The following GYPE variants were observed in gnomAD, a reference collection of about 807,000 sequenced individuals.
GYPE encodes glycophorin E (MNS blood group).
Under a neutral mutation model 11.6 loss-of-function variants are expected in GYPE, and 8 were observed. The ratio of observed to expected loss-of-function variants is 0.69; its 90% CI spans 0.41 to 1.25. GYPE has a LOEUF of 1.25. Among genes scored for constraint, GYPE ranks in the 50% most tolerant of loss-of-function variants. The pLI is 0.01. For synonymous variants in GYPE, 28 were observed against 29.6 expected (o/e 0.94, Z 0.18); for missense variants, 90 against 92.8 (o/e 0.97, Z 0.12).
At chr4:143,887,733 A>C (rs950401150) in intron 1 of GYPE, among the ~76,000 whole-genome samples, 1 of 149,442 alleles carries the variant, frequency 6.7e-6, no homozygotes, top group Non-Finnish European at 1.5e-5. Context: ...TTAATGATTA[A>C]GTGGCAAATT....
At chr4:143,902,359 G>C (rs928705308) in intron 1 of GYPE, among the ~76,000 whole-genome samples, 15 of 141,910 alleles carry the variant, frequency 1.1e-4, no homozygotes, top group Non-Finnish European at 1.7e-4. Context: ...AAAAAAAAAA[G>C]AGATGCCTTG....
chr4:143,885,319 T>C (rs1744189837), intron 1 of GYPE, among the ~76,000 whole-genome samples: 1 of 152,190 alleles, frequency 6.6e-6, no homozygotes, highest in Non-Finnish European at 1.5e-5. Flanking sequence ...GTAACTGTTT[T>C]ATAAAAATGA....
At chr4:143,893,765 T>C (rs1023478076) in intron 1 of GYPE, among the ~76,000 whole-genome samples, 1 of 152,134 alleles carries the variant, frequency 6.6e-6, no homozygotes, top group Non-Finnish European at 1.5e-5. Context: ...ATTTCAACTT[T>C]GGTGAATCTG....
chr4:143,892,696 CT>C (rs1165872446), intron 1 of GYPE, among the ~76,000 whole-genome samples: 13 of 150,946 alleles, frequency 8.6e-5, no homozygotes, highest in Non-Finnish European at 5.9e-5. Flanking sequence ...AATTTCTGTT[CT>C]TTTACATTTG....
rs1480250493 is a variant in GYPE, at chr4:143,876,503, T to G, written c.*9+243A>C. On this transcript the variant is annotated intron_variant, in intron 3 of 3. Coordinates refer to ENST00000358615, the MANE Select transcript of GYPE (RefSeq NM_198682.3). The stretch of plus-strand genomic sequence containing the variant: ...TATGTGAAAGCAAGTTAGACAAAAC[T>G]TAGGGAGAGCTTTCATTGGGAAAAT... Among the ~76,000 whole-genome samples the G allele has an allele frequency of 2.0e-5, 3 of 152,134 alleles. No individual in the cohort carries two copies. In the East Asian group the frequency reaches 5.8e-4, roughly 29 times the overall value.
intron 1 of GYPE, among the ~76,000 whole-genome samples, chr4:143,894,093 T>C (rs1047800201): frequency 1.3e-5 from 2 of 152,224 alleles, no homozygotes; most frequent in African/African-American, 4.8e-5. Context: ...TTCTTCCAGT[T>C]GATCACATTG....
intron 2 of GYPE, among the ~76,000 whole-genome samples, chr4:143,878,373 C>T (rs1438871498): frequency 6.6e-6 from 1 of 152,122 alleles, no homozygotes; most frequent in Non-Finnish European, 1.5e-5. Flanking sequence ...TGGGCTCAAG[C>T]GATTAGCCAG....
intron 2 of GYPE, 55 bp from the exon 3 acceptor site, chr4:143,876,910 A>G: frequency 1.1e-6 from 1 of 946,246 alleles, no homozygotes; most frequent in Non-Finnish European, 1.7e-6. Context: ...AAATGACCAC[A>G]TCCAATTGAA....
At chr4:143,891,735 G>T (rs947619202) in intron 1 of GYPE, among the ~76,000 whole-genome samples, 1 of 152,128 alleles carries the variant, frequency 6.6e-6, no homozygotes, top group Non-Finnish European at 1.5e-5. Context: ...CTTGGCCCCT[G>T]TATTAGCATA....
chr4:143,902,152 A>G (rs1219079811), intron 1 of GYPE, among the ~76,000 whole-genome samples: 1 of 152,060 alleles, frequency 6.6e-6, no homozygotes, highest in Non-Finnish European at 1.5e-5. Flanking sequence ...GTCATTTGTC[A>G]TTTGTCATTT....
chr4:143,901,719 C>T (rs1284126110), intron 1 of GYPE, among the ~76,000 whole-genome samples: 5 of 151,710 alleles, frequency 3.3e-5, no homozygotes, highest in Non-Finnish European at 7.4e-5. Flanking sequence ...GGGGGAAATT[C>T]CTCAAAAGTA....
At chr4:143,875,375 CAG>C (rs1168055216) in intron 3 of GYPE, 47 of 1,218,262 alleles carry the variant, frequency 3.9e-5, no homozygotes, top group Middle Eastern at 2.3e-4. Flanking sequence ...GGCAGGAGAA[CAG>C]GGAGTTAGGA....
chr4:143,880,280 T>C (rs992714758), intron 2 of GYPE, 131 bp downstream of exon 2: 50 of 1,441,284 alleles, frequency 3.5e-5, no homozygotes, highest in Non-Finnish European at 4.7e-5. Flanking sequence ...GTCTACTTAG[T>C]AGGCTGTGTC....
intron 1 of GYPE, among the ~76,000 whole-genome samples, chr4:143,889,113 C>T (rs1014101001): frequency 6.9e-6 from 1 of 145,656 alleles, no homozygotes; most frequent in Admixed American, 7.0e-5. Flanking sequence ...ATTGGTAACA[C>T]TTCTTCCTTT....
chr4:143,877,186 TG>T (rs1325631997), intron 2 of GYPE, among the ~76,000 whole-genome samples: 2 of 152,008 alleles, frequency 1.3e-5, no homozygotes, highest in Non-Finnish European at 2.9e-5. Flanking sequence ...TCCTCAGATA[TG>T]GGGAAAAAAC....
intron 1 of GYPE, among the ~76,000 whole-genome samples, chr4:143,895,474 G>C (rs1744592675): frequency 6.7e-6 from 1 of 149,908 alleles, no homozygotes; most frequent in Non-Finnish European, 1.5e-5. Context: ...TCTTCAAGGA[G>C]AACTACAAAC....
rs2149901622 is a variant in GYPE, at chr4:143,870,875, A to C, written c.*1387T>G. 1 of 151,872 alleles carries C rather than the reference A, an allele frequency of 6.6e-6. No individual in the cohort carries two copies. The highest frequency in any genetic ancestry group is 1.9e-4 in the East Asian group (1 of 5,182). 9.4% of individuals were successfully genotyped at this position (151,872 alleles called of 1,614,324 possible). A position where few individuals can be genotyped will look rare whatever the true frequency, so the allele number is the denominator to read the frequency against. ...ACTGCCCAAGACTGTGTAATTTATA[A>C]AGGAAAGAGGTTTTATTGATCTACA... is the stretch of plus-strand genomic sequence containing the variant. On this transcript the variant is annotated 3_prime_UTR_variant, in exon 4 of 4. Coordinates refer to ENST00000358615, the MANE Select transcript of GYPE (RefSeq NM_198682.3).
intron 1 of GYPE, among the ~76,000 whole-genome samples, chr4:143,897,587 G>C (rs1744699116): frequency 6.6e-6 from 1 of 152,180 alleles, no homozygotes; most frequent in South Asian, 2.1e-4. Flanking sequence ...GAGTCTGTGT[G>C]CTGTGAGTTG....
chr4:143,879,571 CAAT>C (rs1252718619), intron 2 of GYPE, among the ~76,000 whole-genome samples: 1 of 152,128 alleles, frequency 6.6e-6, no homozygotes, highest in Non-Finnish European at 1.5e-5. Flanking sequence ...TCAATCACAA[CAAT>C]GACTCCAGAG....
Sources: allele counts gnomAD v4.1 joint callset (sites outside exome capture counted in the v4.1 genomes callset), GRCh38; gene constraint gnomAD v4.1.1; transcripts MANE v1.5; gene names NCBI Gene and HGNC (gene_info 2026-07-23, HGNC 2026-07-21).